UNKL: variants seen among roughly 807,000 people sequenced by gnomAD.
The protein encoded by UNKL is putative E3 ubiquitin-protein ligase UNKL.
A neutral mutation model predicts 78.0 loss-of-function variants in UNKL; 60 were observed. The observed-to-expected ratio is 0.77, with a 90% CI of 0.63 to 0.95. The LOEUF (loss-of-function observed/expected upper bound fraction) is 0.95, where lower values mean the gene tolerates loss of function less well. Among genes scored for constraint, UNKL ranks in the 40% least tolerant of loss-of-function variants. The pLI, the probability that UNKL is intolerant of heterozygous loss-of-function variation, is 0.00. For synonymous variants in UNKL, 608 were observed against 474.8 expected, an observed-to-expected ratio of 1.28 and a Z score of -3.65; for missense variants, 1,159 against 1,045.7, an observed-to-expected ratio of 1.11 and a Z score of -1.49.
intron 2 of UNKL, among the ~76,000 whole-genome samples, chr16:1,409,455 G>A (rs1230348831): frequency 6.6e-6 from 1 of 152,146 alleles, no homozygotes; most frequent in African/African-American, 2.4e-5. Flanking sequence ...TAAAGGGCCG[G>A]TCGAAGCAAG....
chr16:1,407,466 T>C (rs1298238886), intron 2 of UNKL: 1 of 152,024 alleles, frequency 6.6e-6, no homozygotes, highest in Non-Finnish European at 1.5e-5. Flanking sequence ...TCCCAGCACT[T>C]TGGGAGGAGA....
At chr16:1,372,621 C>G (rs140456832) in intron 10 of UNKL, among the ~76,000 whole-genome samples, 11 of 152,338 alleles carry the variant, frequency 7.2e-5, no homozygotes, top group Non-Finnish European at 1.2e-4. Flanking sequence ...GTGTCTCAAA[C>G]TCCCGCAGCC....
rs1253341616 is a variant in UNKL at position 1,414,112 on chromosome 16, C to G, written c.78-57G>C. On this transcript the variant is annotated intron_variant, in intron 1 of 14. Transcript: ENST00000389221. ...CCGGCAGCACCTCCAGGGACTCGGA[C>G]TCGTGGGCGGCGGGACCCACCGGCC... 8 of 1,483,928 alleles carry G rather than the reference C, an allele frequency of 5.4e-6. No homozygotes were observed. In the South Asian group the frequency reaches 8.9e-5, roughly 17 times the overall value. 91.9% of individuals were successfully genotyped at this position (1,483,928 alleles called of 1,614,324 possible). A position where few individuals can be genotyped will look rare whatever the true frequency, so the allele number is the denominator to read the frequency against.
At chr16:1,380,673 A>AGTTTTTTTTTTTTTTTT (rs2036571378) in intron 10 of UNKL, among the ~76,000 whole-genome samples, 1 of 99,408 alleles carries the variant, frequency 1.0e-5, no homozygotes, top group African/African-American at 4.0e-5. Flanking sequence ...CTGGTTCAGG[A>AGTTTTTTTTTTTTTTTT]TTTTTTTTTT....
chr16:1,399,341 C>T lies in UNKL; in HGVS notation c.734+33G>A, dbSNP rs555369421. On this transcript the variant is annotated intron_variant, in intron 5 of 14. Coordinates refer to ENST00000389221, the MANE Select transcript of UNKL (RefSeq NM_001372107.1). The surrounding 1 kb of genome is among the most constrained non-coding windows in gnomAD (Gnocchi z 5.8). ...CGGGCCGGGAAGGACGCCCACCAGC[C>T]GGAGTCCTCTGAGCACGGTCCCGCA... 8.5e-6 allele frequency: 13 copies of T among 1,532,970 alleles called. No individual in the cohort carries two copies. Among genetic ancestry groups the T allele is most frequent in the East Asian group, 7.0e-5 (3 of 42,592 alleles). The allele number at this position is 1,532,970 out of a possible 1,614,324, so 95.0% of individuals were successfully genotyped here. A position where few individuals can be genotyped will look rare whatever the true frequency, so the allele number is the denominator to read the frequency against.
At chr16:1,391,259 C>CACACAA (rs1555457666) in intron 8 of UNKL, among the ~76,000 whole-genome samples, 2 of 2,588 alleles carry the variant, frequency 7.7e-4, no homozygotes, top group African/African-American at 2.4e-3. Flanking sequence ...CACACACACA[C>CACACAA]ACACACACAC....
chr16:1,392,834 A>C (rs866891748), intron 8 of UNKL, 57 bp downstream of exon 8: 1 of 1,532,948 alleles, frequency 6.5e-7, no homozygotes, highest in African/African-American at 1.4e-5. Context: ...CACATCCCTA[A>C]GAGTTCAATT....
intron 2 of UNKL, among the ~76,000 whole-genome samples, chr16:1,411,341 G>C (rs980245657): frequency 1.3e-5 from 2 of 150,236 alleles, no homozygotes; most frequent in East Asian, 2.0e-4. Context: ...ACCAGAGTGA[G>C]ACTCGGTCTC....
chr16:1,411,969 A>G (rs2038060256), intron 2 of UNKL: 1 of 152,236 alleles, frequency 6.6e-6, no homozygotes, highest in Admixed American at 6.5e-5. Flanking sequence ...CAGACTTCAC[A>G]AGGATCTCCG....
intron 10 of UNKL, chr16:1,379,620 T>C (rs1189017964): frequency 1.0e-6 from 1 of 984,802 alleles, no homozygotes; most frequent in Non-Finnish European, 1.2e-6. Context: ...TGCCACGCGC[T>C]GGGGCCGCCG....
Position 1,403,251 on chromosome 16 carries a change from T to G in UNKL, c.381A>C (p.Ala127=). The G allele has an allele frequency of 6.2e-7, 1 of 1,614,182 alleles. No individual in the cohort carries two copies. Among genetic ancestry groups the G allele is most frequent in the African/African-American group, 1.3e-5 (1 of 75,056 alleles). ...KTGTCIHETD[A]RGHCVKNGLH... ...GCCCATTCTTCACGCAGTGGCCACG[T>G]GCGTCTGTCTCGTGGATGCAGGTTC... Residue 127 remains alanine (A), a synonymous_variant, in exon 3 of 15, where the codon GCA becomes GCC. Transcript: ENST00000389221. The surrounding 1 kb of genome is among the most constrained non-coding windows in gnomAD (Gnocchi z 4.8).
chr16:1,408,389 G>C (rs983920012), intron 2 of UNKL: 1 of 153,084 alleles, frequency 6.5e-6, no homozygotes, highest in Admixed American at 6.5e-5. Context: ...CGAGCGGGGC[G>C]GGGCGGGGCC....
In UNKL at chr16:1,370,476, G is replaced by A; in HGVS notation, c.1358-119C>T. The A allele has an allele frequency of 3.6e-6, 5 of 1,379,886 alleles. 1 individual carries two copies. The African/African-American group carries it at 7.4e-5, about 20-fold the overall frequency. 85.5% of individuals were successfully genotyped at this position (1,379,886 alleles called of 1,614,324 possible). On this transcript the variant is annotated intron_variant, in intron 11 of 14. Coordinates refer to ENST00000389221, the MANE Select transcript of UNKL (RefSeq NM_001372107.1). The stretch of plus-strand genomic sequence containing the variant: ...GGTGGTGGTGGTGGGGATATGGGGG[G>A]TGGGAATATAGGGGCCAGGCCAGCC...
chr16:1,403,463 G>C lies in UNKL; in HGVS notation c.288-119C>G. ...CAGTGAATTCCCTTCCCTTCTTCCA[G>C]ATTCCTGTTCTAATCAGAAGGACGG... On this transcript the variant is annotated intron_variant, in intron 2 of 14. Coordinates refer to ENST00000389221, the MANE Select transcript of UNKL (RefSeq NM_001372107.1). This position sits in a 1 kb window ranked among gnomAD's most constrained non-coding sequence, Gnocchi z 4.8. 1 of 1,239,298 alleles carries C rather than the reference G, an allele frequency of 8.1e-7. No individual in the cohort carries two copies. The highest frequency in any genetic ancestry group is 2.5e-5 in the East Asian group (1 of 39,490). 76.8% of individuals were successfully genotyped at this position (1,239,298 alleles called of 1,614,324 possible). A position where few individuals can be genotyped will look rare whatever the true frequency, so the allele number is the denominator to read the frequency against.
At chr16:1,405,726 G>C (rs2037727878) in intron 2 of UNKL, among the ~76,000 whole-genome samples, 1 of 151,860 alleles carries the variant, frequency 6.6e-6, no homozygotes, top group Non-Finnish European at 1.5e-5. Flanking sequence ...GGGGTCGGGT[G>C]ACAAACACGG....
chr16:1,407,693 CAAAAA>C (rs796468528), intron 2 of UNKL, among the ~76,000 whole-genome samples: 2 of 80,550 alleles, frequency 2.5e-5, no homozygotes, highest in African/African-American at 8.4e-5. Context: ...GAGGCCCTGT[CAAAAA>C]AAAAAAAAAA....
In UNKL at chr16:1,398,575, A is replaced by G; in HGVS notation, c.734+799T>C. ...ATGCGAGGCAGCACCAGGTCATTCA[A>G]AAGAGGCGAGGGTGGCTCTCTGCTC... On this transcript the variant is annotated intron_variant, in intron 5 of 14. Transcript: ENST00000389221. 7 of 1,398,262 alleles carry G rather than the reference A, an allele frequency of 5.0e-6. No homozygotes were observed. The South Asian group carries it at 9.1e-5, about 18-fold the overall frequency. The allele number at this position is 1,398,262 out of a possible 1,614,324, so 86.6% of individuals were successfully genotyped here.
intron 5 of UNKL, among the ~76,000 whole-genome samples, chr16:1,398,131 G>A (rs1199296980): frequency 6.6e-6 from 1 of 152,210 alleles, no homozygotes; most frequent in Non-Finnish European, 1.5e-5. Flanking sequence ...CTGTCTCCTC[G>A]CCAACTTTCT....
chr16:1,397,064 G>T, intron 6 of UNKL, 114 bp downstream of exon 6: 1 of 1,180,942 alleles, frequency 8.5e-7, no homozygotes, highest in Non-Finnish European at 1.2e-6. Context: ...ACCTGTGCCA[G>T]CCCTCGGCCA....
Sources: gnomAD v4.1 joint callset for allele counts (sites outside exome capture counted in the v4.1 genomes callset) on GRCh38, gnomAD v4.1.1 for gene constraint, Gnocchi (gnomAD v3.1) non-coding constraint, MANE v1.5 for transcripts, NCBI Gene and HGNC (gene_info 2026-07-23, HGNC 2026-07-21) for gene names.